TMPRSS11F: variants seen among roughly 807,000 people sequenced by gnomAD.
TMPRSS11F encodes transmembrane serine protease 11F, also known as transmembrane protease serine 11F.
In TMPRSS11F, 47 loss-of-function variants were observed where a neutral mutation model predicts 60.2. That is an observed-to-expected ratio of 0.78 (90% confidence interval 0.62 to 1.00). TMPRSS11F has a LOEUF of 1.00. Ranked by LOEUF, TMPRSS11F falls within the 50% of genes least tolerant of loss-of-function variation. TMPRSS11F has a pLI of 0.00. For missense variants in TMPRSS11F, 519 were observed against 522.9 expected, an observed-to-expected ratio of 0.99 and a Z score of 0.07; for synonymous variants, 166 against 167.3, an observed-to-expected ratio of 0.99 and a Z score of 0.06.
At chr4:68,063,951 T>C (rs1309299070) in intron 8 of TMPRSS11F, among the ~76,000 whole-genome samples, 2 of 152,202 alleles carry the variant, frequency 1.3e-5, no homozygotes, top group Non-Finnish European at 2.9e-5. Flanking sequence ...TTAAATTATA[T>C]GCTGAATAAA....
chr4:68,053,805 C>T lies in TMPRSS11F; in HGVS notation c.*104G>A. 1 of 1,212,928 alleles carries T rather than the reference C, an allele frequency of 8.2e-7. No individual in the cohort carries two copies. Among genetic ancestry groups the T allele is most frequent in the Non-Finnish European group, 1.2e-6 (1 of 863,178 alleles). The allele number at this position is 1,212,928 out of a possible 1,614,324, so 75.1% of individuals were successfully genotyped here. On this transcript the variant is annotated 3_prime_UTR_variant, in exon 10 of 10. Transcript: ENST00000356291. ...TGTCTGGGTCTGAAGGGCTTCTTGA[C>T]ATCTAGCAAAAGCACTAATCCAAAG...
chr4:68,083,350 T>C (rs2109857257), intron 3 of TMPRSS11F, among the ~76,000 whole-genome samples: 1 of 152,226 alleles, frequency 6.6e-6, no homozygotes, highest in East Asian at 1.9e-4. Context: ...GGGATGGACC[T>C]GGTAAGAGCA....
rs1723960568 is a variant in TMPRSS11F, at chr4:68,092,320, GGTT to G, written c.164-1682_164-1680del. ...TAGAAGTAATTGATGTTTTAATTGT[GGTT>G]GTTATTTATTCTGTTAAAATAATTG... On this transcript the variant is annotated intron_variant, in intron 2 of 9. Transcript: ENST00000356291. Among the ~76,000 whole-genome samples, 9 of 151,978 alleles carry G rather than the reference GGTT, an allele frequency of 5.9e-5. No homozygotes were observed. In the South Asian group the frequency reaches 1.9e-3, roughly 32 times the overall value.
chr4:68,107,184 C>G (rs977733105), intron 1 of TMPRSS11F, among the ~76,000 whole-genome samples: 1 of 152,178 alleles, frequency 6.6e-6, no homozygotes, highest in Non-Finnish European at 1.5e-5. Context: ...TTCATTCATT[C>G]ATTTAGTACA....
rs2109857377 is a variant in TMPRSS11F at position 68,083,537 on chromosome 4, T to C, written c.282+6986A>G. Among the ~76,000 whole-genome samples, 3 of 152,144 alleles carry C rather than the reference T, an allele frequency of 2.0e-5. No homozygotes were observed. In the South Asian group the frequency reaches 6.2e-4, roughly 32 times the overall value. On this transcript the variant is annotated intron_variant, in intron 3 of 9. Coordinates refer to ENST00000356291, the MANE Select transcript of TMPRSS11F (RefSeq NM_207407.2). ...CCAAAACACATGCTTATGAAACCCA[T>C]GCAAGAATCTAGCCACAAATAAAAA...
chr4:68,064,230 G>T (rs1211095041), intron 8 of TMPRSS11F, among the ~76,000 whole-genome samples: 1 of 150,456 alleles, frequency 6.6e-6, no homozygotes, highest in Non-Finnish European at 1.5e-5. Flanking sequence ...TGTCACCCAG[G>T]TAGGAGTGCA....
At chr4:68,083,237 T>A (rs1723742866) in intron 3 of TMPRSS11F, among the ~76,000 whole-genome samples, 1 of 152,170 alleles carries the variant, frequency 6.6e-6, no homozygotes. Context: ...AATCTTTAGC[T>A]TGGACTGTCA....
At chr4:68,098,753 ATAATT>A (rs1724129140) in intron 2 of TMPRSS11F, 129 bp downstream of exon 2, 2 of 827,636 alleles carry the variant, frequency 2.4e-6, no homozygotes, top group Non-Finnish European at 3.6e-6. Context: ...GAAGCAAACT[ATAATT>A]TAACATCAGT....
At chr4:68,109,110 T>C (rs1257687497) in intron 1 of TMPRSS11F, among the ~76,000 whole-genome samples, 1 of 152,176 alleles carries the variant, frequency 6.6e-6, no homozygotes, top group Non-Finnish European at 1.5e-5. Flanking sequence ...CTACACTAAC[T>C]ATATTTTCTT....
chr4:68,109,674 G>A (rs1419332685), intron 1 of TMPRSS11F, among the ~76,000 whole-genome samples: 2 of 152,134 alleles, frequency 1.3e-5, no homozygotes, highest in Non-Finnish European at 2.9e-5. Context: ...AAGGGTTTAA[G>A]TACAAAAGAG....
chr4:68,072,228 AAAAT>A (rs1216473326), intron 5 of TMPRSS11F, 91 bp downstream of exon 5: 3 of 86,812 alleles, frequency 3.5e-5, no homozygotes, highest in African/African-American at 9.8e-5. Context: ...TTCCAAAAAA[AAAAT>A]ATATATATAT....
intron 6 of TMPRSS11F, 136 bp from the exon 7 acceptor site, chr4:68,068,955 TTGATA>T: frequency 1.2e-6 from 1 of 832,652 alleles, no homozygotes; most frequent in Admixed American, 2.2e-5. Context: ...TTGAGCTTAT[TTGATA>T]CAGGTCTTGC....
At chr4:68,074,960 T>A (rs1393870946) in intron 3 of TMPRSS11F, among the ~76,000 whole-genome samples, 1 of 152,168 alleles carries the variant, frequency 6.6e-6, no homozygotes, top group Non-Finnish European at 1.5e-5. Flanking sequence ...GCCAGAGTCA[T>A]AATCTGGTCT....
chr4:68,120,866 T>C (rs1036741467), intron 1 of TMPRSS11F, among the ~76,000 whole-genome samples: 1 of 152,194 alleles, frequency 6.6e-6, no homozygotes, highest in Non-Finnish European at 1.5e-5. Flanking sequence ...CCAATGATTG[T>C]TAGCATTTTT....
intron 1 of TMPRSS11F, among the ~76,000 whole-genome samples, chr4:68,103,125 C>T (rs1724225867): frequency 6.6e-6 from 1 of 151,914 alleles, no homozygotes; most frequent in Non-Finnish European, 1.5e-5. Flanking sequence ...TTATTGTGTC[C>T]TTGTGATGCC....
chr4:68,118,716 T>A (rs950066265), intron 1 of TMPRSS11F, among the ~76,000 whole-genome samples: 16 of 152,118 alleles, frequency 1.1e-4, no homozygotes, highest in Non-Finnish European at 2.4e-4. Flanking sequence ...TATTAAAAAA[T>A]TTATATGTAA....
At chr4:68,116,654 C>T (rs1724526165) in intron 1 of TMPRSS11F, among the ~76,000 whole-genome samples, 1 of 152,004 alleles carries the variant, frequency 6.6e-6, no homozygotes, top group East Asian at 1.9e-4. Flanking sequence ...ACATATAGAC[C>T]AATGCAACAG....
rs200971626 is a variant in TMPRSS11F, at chr4:68,101,261, C to CA, written c.12-2224dup. ...ATGTGGAAGTTGAAATAAGTTTTAC[C>CA]AAATGCCCATTTATGTGTTTTGAAG... On this transcript the variant is annotated intron_variant, in intron 1 of 9. Transcript: ENST00000356291. Among the ~76,000 whole-genome samples, 252 of 152,106 alleles carry CA rather than the reference C, an allele frequency of 1.7e-3. 2 individuals are homozygous for CA. The highest frequency in any genetic ancestry group is 5.9e-3 in the African/African-American group (246 of 41,474).
intron 8 of TMPRSS11F, chr4:68,061,944 C>T (rs1232673131): frequency 1.2e-5 from 5 of 433,158 alleles, no homozygotes; most frequent in Non-Finnish European, 2.3e-5. Flanking sequence ...AAAACGAATG[C>T]TTGTCTGCAC....
Sources: allele counts gnomAD v4.1 joint callset (sites outside exome capture counted in the v4.1 genomes callset), GRCh38; gene constraint gnomAD v4.1.1; transcripts MANE v1.5; gene names NCBI Gene and HGNC (gene_info 2026-07-23, HGNC 2026-07-21).